The following CCNYL1 variants were observed in gnomAD, a reference collection of about 807,000 sequenced individuals.
The protein encoded by CCNYL1 is cyclin-Y-like protein 1.
CCNYL1 carries 16 observed loss-of-function variants against 44.2 expected under a neutral mutation model. The ratio of observed to expected loss-of-function variants is 0.36; its 90% CI spans 0.25 to 0.55. The LOEUF (loss-of-function observed/expected upper bound fraction) is 0.55, where lower values mean the gene tolerates loss of function less well. Among genes scored for constraint, CCNYL1 ranks in the 20% least tolerant of loss-of-function variants. The probability of loss-of-function intolerance (pLI) is 0.85; values close to 1 mark genes in which losing one functional copy is unlikely to be tolerated. For synonymous variants in CCNYL1, 159 were observed against 163.2 expected (o/e 0.97, Z 0.20); for missense variants, 348 against 451.8 (o/e 0.77, Z 2.08).
At chr2:207,719,216 A>G (rs2091620928) in intron 1 of CCNYL1, among the ~76,000 whole-genome samples, 1 of 152,192 alleles carries the variant, frequency 6.6e-6, no homozygotes, top group South Asian at 2.1e-4. Flanking sequence ...GGGCTTTCCA[A>G]TAAATGCTAA....
At chr2:207,742,686 C>T (rs1432985122) in intron 7 of CCNYL1, among the ~76,000 whole-genome samples, 1 of 152,110 alleles carries the variant, frequency 6.6e-6, no homozygotes. Context: ...CCATGTGGTT[C>T]AGAGCCAGAT....
At chr2:207,742,151 C>CA (rs201207374) in intron 6 of CCNYL1, 72 bp from the exon 7 acceptor site, 57,536 of 1,096,746 alleles carry the variant, frequency 0.052, 4 homozygotes, top group Non-Finnish European at 0.059. Context: ...AACTCAGTCT[C>CA]AAAAAAAAAA....
chr2:207,749,472 T>C (rs972090480), intron 8 of CCNYL1, among the ~76,000 whole-genome samples: 1 of 152,204 alleles, frequency 6.6e-6, no homozygotes, highest in African/African-American at 2.4e-5. Flanking sequence ...GTAAAGGGTA[T>C]GCTATTCAGC....
At chr2:207,716,144 T>A (rs2091592646) in intron 1 of CCNYL1, among the ~76,000 whole-genome samples, 1 of 152,206 alleles carries the variant, frequency 6.6e-6, no homozygotes, top group Admixed American at 6.5e-5. Context: ...ATTAGTACTC[T>A]TGACTTTTCA....
chr2:207,749,333 A>C (rs1378042218), intron 8 of CCNYL1, among the ~76,000 whole-genome samples: 1 of 152,226 alleles, frequency 6.6e-6, no homozygotes, highest in African/African-American at 2.4e-5. Context: ...AAATTGAAAC[A>C]ATTTTAAATT....
intron 8 of CCNYL1, among the ~76,000 whole-genome samples, chr2:207,748,755 C>G (rs540297947): frequency 1.3e-5 from 2 of 152,260 alleles, no homozygotes; most frequent in South Asian, 4.1e-4. Context: ...AAAAAGGAAC[C>G]AGTAATTGTG....
chr2:207,722,959 C>A lies in CCNYL1; in HGVS notation c.221-1841C>A, dbSNP rs1274489529. On this transcript the variant is annotated intron_variant, in intron 1 of 9. Coordinates refer to ENST00000295414, the MANE Select transcript of CCNYL1 (RefSeq NM_001330218.2). ...GGGCGAAAGAGTGAGACTCTTCTCT[C>A]GGAAAAAAAAAAAAAGGAGCTTTAG... Among the ~76,000 whole-genome samples the A allele has an allele frequency of 4.8e-5, 7 of 145,466 alleles. No individual in the cohort carries two copies. In the South Asian group the frequency reaches 6.5e-4, roughly 13 times the overall value.
At chr2:207,742,488 C>G (rs969555140) in intron 7 of CCNYL1, 146 bp downstream of exon 7, 2 of 734,828 alleles carry the variant, frequency 2.7e-6, no homozygotes, top group Non-Finnish European at 4.3e-6. Flanking sequence ...TACGTACATT[C>G]GCGTTTAATC....
intron 1 of CCNYL1, among the ~76,000 whole-genome samples, chr2:207,722,729 G>C (rs909073532): frequency 6.6e-6 from 1 of 152,070 alleles, no homozygotes; most frequent in Non-Finnish European, 1.5e-5. Context: ...GGGAGGCCGA[G>C]GGGGGCAGAT....
chr2:207,712,556 C>CTG (rs1553532318), intron 1 of CCNYL1, among the ~76,000 whole-genome samples: 1 of 152,150 alleles, frequency 6.6e-6, no homozygotes, highest in Non-Finnish European at 1.5e-5. Context: ...AGGTAAGGGT[C>CTG]TGATTGTTCC....
chr2:207,712,088 G>A lies in CCNYL1; in HGVS notation c.192G>A (p.Gln64=). The A allele has an allele frequency of 6.3e-7, 1 of 1,597,974 alleles. No homozygotes were observed. Among genetic ancestry groups the A allele is most frequent in the South Asian group, 1.1e-5 (1 of 90,350 alleles). The part of the protein sequence containing the change: ...DFGEGEGHHL[Q]HISDREMPED... Reference sequence around the variant, plus strand: ...GAGAGGGCGAGGGCCACCACCTGCAGCACATCAGCGACCGCGAGATGCCCG... The same window carrying A: ...GAGAGGGCGAGGGCCACCACCTGCAACACATCAGCGACCGCGAGATGCCCG... The change falls in exon 1 of 10, where the codon CAG becomes CAA. Residue 64 remains glutamine, a synonymous_variant. Coordinates refer to ENST00000295414, the MANE Select transcript of CCNYL1 (RefSeq NM_001330218.2).
intron 1 of CCNYL1, 138 bp from the exon 2 acceptor site, chr2:207,724,662 G>T (rs2091666401): frequency 1.5e-6 from 1 of 654,646 alleles, no homozygotes. Context: ...TTTTTGTATT[G>T]TCTTTATTTC....
intron 5 of CCNYL1, among the ~76,000 whole-genome samples, chr2:207,740,151 C>T (rs1374392840): frequency 6.6e-6 from 1 of 152,054 alleles, no homozygotes; most frequent in Non-Finnish European, 1.5e-5. Context: ...ATTATCAAAG[C>T]CTTGTCTCTT....
chr2:207,746,880 G>C (rs150656372), intron 7 of CCNYL1, among the ~76,000 whole-genome samples, 167 bp from the exon 8 acceptor site: 1 of 152,004 alleles, frequency 6.6e-6, no homozygotes, highest in Non-Finnish European at 1.5e-5. Flanking sequence ...GGAGGCCGAG[G>C]CAGGAGAATC....
chr2:207,718,450 T>C (rs776802632), intron 1 of CCNYL1, among the ~76,000 whole-genome samples: 1 of 152,004 alleles, frequency 6.6e-6, no homozygotes, highest in Non-Finnish European at 1.5e-5. Context: ...CAAGGCTGCA[T>C]TGAGCTGTGA....
chr2:207,728,354 C>T (rs2091696798), intron 3 of CCNYL1, among the ~76,000 whole-genome samples: 1 of 151,438 alleles, frequency 6.6e-6, no homozygotes, highest in African/African-American at 2.4e-5. Flanking sequence ...TGGCTTACTG[C>T]ATCCTTAACC....
chr2:207,730,548 A>G (rs2091718824), intron 3 of CCNYL1, among the ~76,000 whole-genome samples: 1 of 152,056 alleles, frequency 6.6e-6, no homozygotes, highest in African/African-American at 2.4e-5. Context: ...ACTTGAGGTC[A>G]GGAGTTCCAG....
chr2:207,742,947 A>G (rs910661280), intron 7 of CCNYL1, among the ~76,000 whole-genome samples: 2 of 152,362 alleles, frequency 1.3e-5, no homozygotes, highest in African/African-American at 4.8e-5. Flanking sequence ...TCCTCCATAC[A>G]GAATTCCTAT....
intron 1 of CCNYL1, among the ~76,000 whole-genome samples, chr2:207,720,357 T>C (rs1336184131): frequency 6.6e-6 from 1 of 151,890 alleles, no homozygotes; most frequent in African/African-American, 2.4e-5. Context: ...TAACATTGGA[T>C]AATGAAAAAT....
Sources: gnomAD v4.1 joint callset for allele counts (sites outside exome capture counted in the v4.1 genomes callset) on GRCh38, gnomAD v4.1.1 for gene constraint, MANE v1.5 for transcripts, NCBI Gene and HGNC (gene_info 2026-07-23, HGNC 2026-07-21) for gene names.